LRRC4C: variants seen among roughly 807,000 people sequenced by gnomAD.
LRRC4C encodes leucine rich repeat containing 4C, also known as leucine-rich repeat-containing protein 4C.
LRRC4C carries 5 observed loss-of-function variants against 33.6 expected under a neutral mutation model. The observed-to-expected ratio is 0.15, with a 90% CI of 0.08 to 0.31. The LOEUF is 0.31. Among genes scored for constraint, LRRC4C ranks in the 10% least tolerant of loss-of-function variants. The pLI, the probability that LRRC4C is intolerant of heterozygous loss-of-function variation, is 1.00. For synonymous variants in LRRC4C, 329 were observed against 302.0 expected (o/e 1.09, Z -0.93); for missense variants, 560 against 796.7 (o/e 0.70, Z 3.58).
intron 3 of LRRC4C, among the ~76,000 whole-genome samples, chr11:40,605,499 C>A (rs1960485395): frequency 6.6e-6 from 1 of 152,114 alleles, no homozygotes; most frequent in African/African-American, 2.4e-5. Flanking sequence ...GCAGAACCAG[C>A]CACATCAAAG....
chr11:41,449,924 G>A (rs114711810), intron 1 of LRRC4C, among the ~76,000 whole-genome samples: 1 of 152,120 alleles, frequency 6.6e-6, no homozygotes, highest in African/African-American at 2.4e-5. Flanking sequence ...GAAACTACCT[G>A]GCAAATTTCT....
At chr11:40,409,408 A>C (rs188725471) in intron 3 of LRRC4C, among the ~76,000 whole-genome samples, 2 of 152,162 alleles carry the variant, frequency 1.3e-5, no homozygotes. Context: ...CAGCAAACTA[A>C]AAGCTTTCCA....
chr11:41,415,892 G>A (rs1184058209), intron 1 of LRRC4C, among the ~76,000 whole-genome samples: 1 of 152,048 alleles, frequency 6.6e-6, no homozygotes, highest in Non-Finnish European at 1.5e-5. Context: ...TCTGTGCACT[G>A]TAAATCAGAG....
intron 5 of LRRC4C, among the ~76,000 whole-genome samples, chr11:40,226,209 G>A (rs1372020140): frequency 1.3e-5 from 2 of 152,158 alleles, no homozygotes; most frequent in Admixed American, 1.3e-4. Context: ...AAAGTCTTAA[G>A]CTCATTCCAC....
intron 5 of LRRC4C, among the ~76,000 whole-genome samples, chr11:40,180,390 A>C (rs953187201): frequency 6.6e-6 from 1 of 152,246 alleles, no homozygotes; most frequent in Non-Finnish European, 1.5e-5. Context: ...GCAGACATGC[A>C]TATTTTGCAA....
intron 5 of LRRC4C, among the ~76,000 whole-genome samples, chr11:40,187,932 C>T (rs1367281520): frequency 6.6e-6 from 1 of 152,130 alleles, no homozygotes; most frequent in Non-Finnish European, 1.5e-5. Flanking sequence ...AGATCCTCTG[C>T]TAGCCAGCCA....
intron 6 of LRRC4C, among the ~76,000 whole-genome samples, chr11:40,129,920 A>C (rs1262838290): frequency 1.3e-5 from 2 of 152,128 alleles, no homozygotes; most frequent in African/African-American, 2.4e-5. Context: ...GCTAAAAATA[A>C]AAATAATTTG....
chr11:40,526,825 G>A (rs1198235939), intron 3 of LRRC4C, among the ~76,000 whole-genome samples: 1 of 152,096 alleles, frequency 6.6e-6, no homozygotes, highest in Non-Finnish European at 1.5e-5. Context: ...AAAATGTGGT[G>A]TATTCATATA....
intron 2 of LRRC4C, among the ~76,000 whole-genome samples, chr11:40,925,550 T>A (rs1008147314): frequency 1.3e-5 from 2 of 152,148 alleles, no homozygotes; most frequent in Non-Finnish European, 2.9e-5. Flanking sequence ...GCTTCTCAGA[T>A]ATTGAAGTTG....
At chr11:40,987,681 T>TATATATATATATG (rs1565274752) in intron 1 of LRRC4C, among the ~76,000 whole-genome samples, 3 of 74,650 alleles carry the variant, frequency 4.0e-5, no homozygotes, top group Middle Eastern at 8.1e-3. Flanking sequence ...AAATGATATA[T>TATATATATATATG]ATATATATAT....
chr11:40,173,158 G>C (rs886105073), intron 5 of LRRC4C, among the ~76,000 whole-genome samples: 2 of 152,134 alleles, frequency 1.3e-5, no homozygotes, highest in Non-Finnish European at 2.9e-5. Flanking sequence ...CTTTGAATTT[G>C]TACCCTCCAG....
At chr11:40,172,208 T>G (rs532790478) in intron 5 of LRRC4C, among the ~76,000 whole-genome samples, 5 of 152,326 alleles carry the variant, frequency 3.3e-5, no homozygotes, top group South Asian at 4.1e-4. Flanking sequence ...TCTCCAGAAC[T>G]GTGAGAACAT....
At chr11:41,008,359 G>A (rs1322932253) in intron 1 of LRRC4C, among the ~76,000 whole-genome samples, 1 of 152,076 alleles carries the variant, frequency 6.6e-6, no homozygotes, top group Non-Finnish European at 1.5e-5. Flanking sequence ...CCGTCTCTCT[G>A]ACTTTAACGC....
intron 1 of LRRC4C, among the ~76,000 whole-genome samples, chr11:41,290,504 C>G (rs1282613453): frequency 1.3e-5 from 2 of 152,128 alleles, no homozygotes; most frequent in Admixed American, 1.3e-4. Context: ...CATTGACAAT[C>G]GTTGTGCTTG....
At chr11:40,924,994 C>A (rs541464740) in intron 2 of LRRC4C, among the ~76,000 whole-genome samples, 1 of 152,232 alleles carries the variant, frequency 6.6e-6, no homozygotes, top group East Asian at 1.9e-4. Flanking sequence ...ATTTGTATTT[C>A]TCCAAGCCAA....
chr11:41,211,904 A>G (rs925556304), intron 1 of LRRC4C, among the ~76,000 whole-genome samples: 3 of 152,238 alleles, frequency 2.0e-5, no homozygotes, highest in Non-Finnish European at 2.9e-5. Flanking sequence ...AGGAACCGCC[A>G]CACTATCTTC....
chr11:40,707,106 T>C (rs542277923), intron 2 of LRRC4C, among the ~76,000 whole-genome samples: 1 of 152,298 alleles, frequency 6.6e-6, no homozygotes, highest in Non-Finnish European at 1.5e-5. Context: ...TTAAGGAGAT[T>C]TTGGGCTGAG....
intron 1 of LRRC4C, among the ~76,000 whole-genome samples, chr11:41,403,201 A>G (rs1320292387): frequency 1.3e-5 from 2 of 152,124 alleles, no homozygotes; most frequent in African/African-American, 4.8e-5. Flanking sequence ...TCATTTCAAA[A>G]AGTTAAACAC....
intron 2 of LRRC4C, among the ~76,000 whole-genome samples, chr11:40,862,977 T>G (rs1954176616): frequency 6.6e-6 from 1 of 152,214 alleles, no homozygotes; most frequent in Non-Finnish European, 1.5e-5. Flanking sequence ...TGCTTTGAGG[T>G]TCTCCAACAC....
Sources: allele counts gnomAD v4.1 joint callset (sites outside exome capture counted in the v4.1 genomes callset), GRCh38; gene constraint gnomAD v4.1.1; transcripts MANE v1.5; gene names NCBI Gene and HGNC (gene_info 2026-07-23, HGNC 2026-07-21).